MSI2: variants seen among roughly 807,000 people sequenced by gnomAD.
The protein encoded by MSI2 is RNA-binding protein Musashi homolog 2.
Under a neutral mutation model 45.6 loss-of-function variants are expected in MSI2, and 17 were observed. That is an observed-to-expected ratio of 0.37 (90% CI 0.26 to 0.56). MSI2 has a LOEUF of 0.56. Ranked by LOEUF, MSI2 falls within the 20% of genes least tolerant of loss-of-function variation. The pLI, the probability that MSI2 is intolerant of heterozygous loss-of-function variation, is 0.77. For synonymous variants in MSI2, 156 were observed against 158.2 expected, an observed-to-expected ratio of 0.99 and a Z score of 0.11; for missense variants, 293 against 444.2, an observed-to-expected ratio of 0.66 and a Z score of 3.06.
intron 5 of MSI2, among the ~76,000 whole-genome samples, chr17:57,294,394 G>A (rs976993352): frequency 6.6e-6 from 1 of 152,192 alleles, no homozygotes; most frequent in Non-Finnish European, 1.5e-5. Context: ...TGTGGCAAAA[G>A]CTGGCGTGGC....
At chr17:57,615,660 C>A (rs1025261908) in intron 8 of MSI2, among the ~76,000 whole-genome samples, 2 of 152,218 alleles carry the variant, frequency 1.3e-5, no homozygotes, top group African/African-American at 4.8e-5. Context: ...CATTGTCTGC[C>A]TCCTTATCTG....
intron 7 of MSI2, among the ~76,000 whole-genome samples, chr17:57,589,509 C>T (rs1017461092): frequency 5.9e-5 from 9 of 152,176 alleles, no homozygotes; most frequent in African/African-American, 1.9e-4. Context: ...CCTGCCATAG[C>T]TCATGGAGGT....
intron 5 of MSI2, among the ~76,000 whole-genome samples, chr17:57,327,855 T>C (rs1326842325): frequency 6.6e-6 from 1 of 152,146 alleles, no homozygotes; most frequent in African/African-American, 2.4e-5. Context: ...TGCCCTTGAC[T>C]GCTTGTGTGT....
chr17:57,328,314 TATCC>T (rs1212403923), intron 5 of MSI2, among the ~76,000 whole-genome samples: 1 of 114,414 alleles, frequency 8.7e-6, no homozygotes, highest in Non-Finnish European at 1.6e-5. Context: ...TGCATCCATT[TATCC>T]ATCCATCCAT....
At chr17:57,383,686 A>G in intron 5 of MSI2, among the ~76,000 whole-genome samples, 1 of 152,188 alleles carries the variant, frequency 6.6e-6, no homozygotes, top group East Asian at 1.9e-4. Context: ...TAAAATAGAA[A>G]TCATTTCTAC....
intron 5 of MSI2, among the ~76,000 whole-genome samples, chr17:57,366,820 GGAGGC>G (rs1917231840): frequency 6.6e-6 from 1 of 152,078 alleles, no homozygotes; most frequent in Non-Finnish European, 1.5e-5. Context: ...CGTAATTTAC[GGAGGC>G]GAGGATCCTG....
At chr17:57,396,524 G>A (rs1053086895) in intron 5 of MSI2, among the ~76,000 whole-genome samples, 4 of 152,022 alleles carry the variant, frequency 2.6e-5, no homozygotes, top group Admixed American at 1.3e-4. Flanking sequence ...TTTTTAAAAG[G>A]GAATTTTTTT....
rs370020946 is a variant in MSI2, at chr17:57,428,387, CTTTAT to C, written c.405+26930_405+26934del. Among the ~76,000 whole-genome samples the C allele has an allele frequency of 8.0e-3, 1,220 of 151,792 alleles. 14 individuals carry two copies. The highest frequency in any genetic ancestry group is 0.028 in the African/African-American group (1,160 of 41,364). On this transcript the variant is annotated intron_variant, in intron 6 of 13. Transcript: ENST00000284073. ...ACAGGCATGAGCCACCCCACCTGGC[CTTTAT>C]TTTATTTTATTTTTTAAAAGAGATG...
chr17:57,577,390 A>G (rs1007772556), intron 7 of MSI2, among the ~76,000 whole-genome samples: 2 of 152,188 alleles, frequency 1.3e-5, no homozygotes, highest in African/African-American at 4.8e-5. Context: ...TGGGTCCTGC[A>G]TTATGAAAGT....
intron 10 of MSI2, among the ~76,000 whole-genome samples, chr17:57,651,405 A>T (rs996107749): frequency 6.6e-6 from 1 of 152,016 alleles, no homozygotes; most frequent in Non-Finnish European, 1.5e-5. Context: ...GAGAGATCAA[A>T]TAAAGCCACA....
At chr17:57,656,860 A>G (rs746447951) in intron 11 of MSI2, among the ~76,000 whole-genome samples, 1 of 152,194 alleles carries the variant, frequency 6.6e-6, no homozygotes, top group Non-Finnish European at 1.5e-5. Flanking sequence ...TGGACATGCC[A>G]TCTTCCCTAC....
chr17:57,321,289 G>A (rs1445403469), intron 5 of MSI2, among the ~76,000 whole-genome samples: 1 of 151,838 alleles, frequency 6.6e-6, no homozygotes, highest in Non-Finnish European at 1.5e-5. Flanking sequence ...CGTTGTTACT[G>A]TGCACCACCA....
chr17:57,290,759 G>C (rs934321431), intron 5 of MSI2, among the ~76,000 whole-genome samples: 1 of 152,234 alleles, frequency 6.6e-6, no homozygotes, highest in Non-Finnish European at 1.5e-5. Context: ...CCAGGACTCA[G>C]TGTTTAATAT....
chr17:57,428,595 T>G (rs1164314372), intron 6 of MSI2, among the ~76,000 whole-genome samples: 1 of 152,156 alleles, frequency 6.6e-6, no homozygotes, highest in Non-Finnish European at 1.5e-5. Context: ...AAAGTCCTAA[T>G]GTACAGCTGC....
chr17:57,563,746 G>GCGCACACACACACA (rs534460755), intron 7 of MSI2, among the ~76,000 whole-genome samples: 138 of 139,394 alleles, frequency 9.9e-4, no homozygotes, highest in African/African-American at 3.5e-3. Context: ...ACACAGGCGC[G>GCGCACACACACACA]CACACACACA....
At chr17:57,465,366 G>A (rs544230107) in intron 6 of MSI2, among the ~76,000 whole-genome samples, 1 of 152,122 alleles carries the variant, frequency 6.6e-6, no homozygotes, top group Admixed American at 6.6e-5. Flanking sequence ...TCACATTGCA[G>A]ACACCTCTCT....
At chr17:57,491,619 T>G (rs2085873524) in intron 6 of MSI2, among the ~76,000 whole-genome samples, 1 of 152,190 alleles carries the variant, frequency 6.6e-6, no homozygotes, top group Non-Finnish European at 1.5e-5. Context: ...GGGGGTGGAC[T>G]TGGGCCTGAG....
chr17:57,329,658 G>T (rs887932849), intron 5 of MSI2, among the ~76,000 whole-genome samples: 9 of 152,138 alleles, frequency 5.9e-5, no homozygotes, highest in African/African-American at 1.9e-4. Flanking sequence ...AGTGAAAAAA[G>T]GTTTGTCCTT....
chr17:57,323,469 G>T (rs945312482), intron 5 of MSI2, among the ~76,000 whole-genome samples: 1 of 152,250 alleles, frequency 6.6e-6, no homozygotes, highest in African/African-American at 2.4e-5. Context: ...CCCTCCCAAA[G>T]ATCCAGGTTC....
Sources: allele counts gnomAD v4.1 joint callset (sites outside exome capture counted in the v4.1 genomes callset), GRCh38; gene constraint gnomAD v4.1.1; transcripts MANE v1.5; gene names NCBI Gene and HGNC (gene_info 2026-07-23, HGNC 2026-07-21).